TTLL10: variants seen among roughly 807,000 people sequenced by gnomAD.
TTLL10 encodes tubulin tyrosine ligase like 10.
A neutral mutation model predicts 69.0 loss-of-function variants in TTLL10; 61 were observed. The ratio of observed to expected loss-of-function variants is 0.88; its 90% CI spans 0.72 to 1.09. The LOEUF is 1.09. TTLL10 is among the 50% of genes least tolerant of loss of function. TTLL10 has a pLI of 0.00. For synonymous variants in TTLL10, 408 were observed against 393.3 expected, an observed-to-expected ratio of 1.04 and a Z score of -0.44; for missense variants, 962 against 945.9, an observed-to-expected ratio of 1.02 and a Z score of -0.22.
chr1:1,179,903 G>A, intron 5 of TTLL10, 131 bp from the exon 6 acceptor site: 1 of 1,437,530 alleles, frequency 7.0e-7, no homozygotes, highest in Non-Finnish European at 9.1e-7. Context: ...GGCTGAACTT[G>A]AGCCCCAGAC....
At position 1,181,303 on chromosome 1, in the gene TTLL10, G is replaced by A. The variant is rs564162103; in HGVS notation, c.756-438G>A. 1.7e-4 allele frequency among the ~76,000 whole-genome samples: 26 copies of A among 151,462 alleles called. No individual in the cohort carries two copies. In the East Asian group the frequency reaches 4.1e-3, roughly 24 times the overall value. On this transcript the variant is annotated intron_variant, in intron 8 of 15. Transcript: ENST00000379289. The surrounding 1 kb of genome is among the most constrained non-coding windows in gnomAD (Gnocchi z 4.6). ...TCCAATCCATCCACAATCCCACACCGTGCCCACCGTCACCTGTGGGTGCCC... is the reference window on the plus strand; with the variant it reads ...TCCAATCCATCCACAATCCCACACCATGCCCACCGTCACCTGTGGGTGCCC...
chr1:1,179,570 A>T, intron 4 of TTLL10, 87 bp from the exon 5 acceptor site: 22 of 1,532,942 alleles, frequency 1.4e-5, no homozygotes, highest in Non-Finnish European at 1.9e-5. Flanking sequence ...CCACCCCTGG[A>T]AGGGCAGCCC....
chr1:1,183,968 C>A lies in TTLL10; in HGVS notation c.1137C>A (p.Arg379=). 1 of 1,614,228 alleles carries A rather than the reference C, an allele frequency of 6.2e-7. No individual in the cohort carries two copies. The highest frequency in any genetic ancestry group is 8.5e-7 in the Non-Finnish European group (1 of 1,180,034). ...LLVDGRKFDV[R]SYLLIACTTP... ...TGGACGGGAGAAAGTTTGACGTGCGCTCCTACCTGCTCATTGCCTGCACCA... is the reference window on the plus strand; with the variant it reads ...TGGACGGGAGAAAGTTTGACGTGCGATCCTACCTGCTCATTGCCTGCACCA... Residue 379 remains arginine (R), a synonymous_variant, in exon 12 of 16, where the codon CGC becomes CGA. Transcript: ENST00000379289.
chr1:1,177,595 G>A (rs1312887147), intron 3 of TTLL10, among the ~76,000 whole-genome samples: 2 of 152,216 alleles, frequency 1.3e-5, no homozygotes, highest in East Asian at 3.9e-4. Flanking sequence ...ACAGGCGTGA[G>A]CCTCCGCGCC....
Position 1,182,897 on chromosome 1 carries a change from A to G in TTLL10, c.938A>G (p.Lys313Arg), listed in dbSNP as rs750519272. The part of the protein sequence containing the change: ...LFDETQIWIC[K>R]PTASNQGKGI... ...GCAGAAACCCAGATATGGATCTGCA[A>G]GCCCACAGCCTCCAACCAGGGCAAA... is the stretch of plus-strand genomic sequence containing the variant. Residue 313 changes from lysine to arginine, a missense_variant, in exon 11 of 16, where the codon AAG becomes AGG. By Grantham distance (26) the Lys-to-Arg change is conservative. Transcript: ENST00000379289. The G allele has an allele frequency of 6.3e-7, 1 of 1,590,666 alleles. No individual in the cohort carries two copies. The highest frequency in any genetic ancestry group is 1.1e-5 in the South Asian group (1 of 87,774).
intron 3 of TTLL10, among the ~76,000 whole-genome samples, chr1:1,178,409 AAGTT>A (rs1004746936): frequency 1.1e-4 from 16 of 151,934 alleles, no homozygotes; most frequent in Admixed American, 1.0e-3. Context: ...AAAATACAAA[AAGTT>A]AGCTGGGCAT....
At chr1:1,184,349 C>A (rs1435974268) in intron 12 of TTLL10, among the ~76,000 whole-genome samples, 1 of 152,226 alleles carries the variant, frequency 6.6e-6, no homozygotes, top group Non-Finnish European at 1.5e-5. Flanking sequence ...AGCCCTGTAG[C>A]CCTCAGCGTG....
intron 13 of TTLL10, among the ~76,000 whole-genome samples, chr1:1,191,513 A>T (rs1334301348): frequency 6.6e-6 from 1 of 152,240 alleles, no homozygotes; most frequent in Non-Finnish European, 1.5e-5. Flanking sequence ...GTCCCAGCAT[A>T]TGGTCTATCC....
rs1323089081 is a variant in TTLL10, at chr1:1,197,741, C to T, written c.1916C>T (p.Ala639Val). ...LDSAHDGEPQ[A>V]PGTEQSGTGN... Reference sequence around the variant, plus strand: ...AGCGCCCACGATGGGGAGCCCCAGGCCCCGGGCACGGAGCAGTCGGGCACA... The same window carrying T: ...AGCGCCCACGATGGGGAGCCCCAGGTCCCGGGCACGGAGCAGTCGGGCACA... The change falls in exon 16 of 16, where the codon GCC (alanine) becomes GTC (valine). Residue 639 changes from alanine to valine, a missense_variant. Coordinates refer to ENST00000379289, the MANE Select transcript of TTLL10 (RefSeq NM_001130045.2). 3.9e-6 allele frequency: 6 copies of T among 1,534,428 alleles called. No individual in the cohort carries two copies. In the East Asian group the frequency reaches 1.0e-4, roughly 26 times the overall value.
intron 15 of TTLL10, 109 bp downstream of exon 15, chr1:1,197,295 C>G (rs561503674): frequency 7.5e-7 from 1 of 1,336,628 alleles, no homozygotes. Flanking sequence ...TTCCACCTCC[C>G]GAGGGCCTGT....
rs1324425361 is a variant in TTLL10, at chr1:1,197,093, G to A, written c.1519G>A (p.Val507Ile). 9.0e-6 allele frequency: 14 copies of A among 1,551,068 alleles called. No individual in the cohort carries two copies. In the Admixed American group the frequency reaches 2.7e-4, roughly 30 times the overall value. Reference protein sequence around the residue: ...CDFLIDDNFKVWLLEMNSNPA... With the variant: ...CDFLIDDNFKIWLLEMNSNPA... ...AGGGACTGACTGGCGTCTGGGGCAGGTATGGCTGCTGGAGATGAATTCTAA... is the reference window on the plus strand; with the variant it reads ...AGGGACTGACTGGCGTCTGGGGCAGATATGGCTGCTGGAGATGAATTCTAA... Residue 507 changes from valine (V) to isoleucine (I), a missense_variant and splice_region_variant, in exon 15 of 16, where the codon GTA becomes ATA. Physicochemically the swap from Val to Ile is conservative, Grantham distance 29. Coordinates refer to ENST00000379289, the MANE Select transcript of TTLL10 (RefSeq NM_001130045.2).
chr1:1,179,531 C>A, intron 4 of TTLL10, 126 bp from the exon 5 acceptor site: 2 of 1,467,766 alleles, frequency 1.4e-6, no homozygotes, highest in Non-Finnish European at 9.2e-7. Flanking sequence ...CTGTCGCGCT[C>A]CGCGGCCCAG....
At chr1:1,177,645 C>T (rs1646918215) in intron 3 of TTLL10, among the ~76,000 whole-genome samples, 1 of 152,200 alleles carries the variant, frequency 6.6e-6, no homozygotes, top group Non-Finnish European at 1.5e-5. Context: ...CTTGGGAGTC[C>T]CTCTGATGAT....
At chr1:1,182,792 G>C (rs1647112779) in intron 10 of TTLL10, 84 bp from the exon 11 acceptor site, 1 of 1,465,190 alleles carries the variant, frequency 6.8e-7, no homozygotes, top group Admixed American at 2.4e-5. Flanking sequence ...GTCGCAGCCT[G>C]GAGGGGAGGG....
In TTLL10 at chr1:1,180,561, T is replaced by A; in HGVS notation, c.585T>A (p.Cys195Ter). The A allele has an allele frequency of 6.4e-7, 1 of 1,551,228 alleles. No homozygotes were observed. The highest frequency in any genetic ancestry group is 8.7e-7 in the Non-Finnish European group (1 of 1,147,336). ...GGGACGACTACACGCTGAAGTGGTGTGAGGTCAAGAGCCGAGACAGCTACG... is the reference window on the plus strand; with the variant it reads ...GGGACGACTACACGCTGAAGTGGTGAGAGGTCAAGAGCCGAGACAGCTACG... ...SRRDDYTLKW[C>*]EVKSRDSYGS... Residue 195 changes from cysteine (C) to a stop codon, truncating the protein, a stop_gained, in exon 7 of 16, where the codon TGT becomes TGA. Coordinates refer to ENST00000379289, the MANE Select transcript of TTLL10 (RefSeq NM_001130045.2). LOFTEE classifies it high-confidence loss of function.
At chr1:1,183,069 G>A in intron 11 of TTLL10, 22 bp downstream of exon 11, 4 of 1,573,710 alleles carry the variant, frequency 2.5e-6, no homozygotes, top group Non-Finnish European at 3.4e-6. Context: ...GGTGCCCGGA[G>A]GGGTGAGGGT....
chr1:1,185,349 T>C lies in TTLL10; in HGVS notation c.1401+240T>C, dbSNP rs1570426790. 7.3e-7 allele frequency: 1 copy of C among 1,360,766 alleles called. No homozygotes were observed. The highest frequency in any genetic ancestry group is 3.4e-5 in the Admixed American group (1 of 29,522). The allele number at this position is 1,360,766 out of a possible 1,614,324, so 84.3% of individuals were successfully genotyped here. A position where few individuals can be genotyped will look rare whatever the true frequency, so the allele number is the denominator to read the frequency against. On this transcript the variant is annotated intron_variant, in intron 13 of 15. Transcript: ENST00000379289. This position sits in a 1 kb window ranked among gnomAD's most constrained non-coding sequence, Gnocchi z 6.1. ...CCAGTCGGGGGTCTGTCGGCACGAG[T>C]CCCGCGGGCAGCCTCGCCGTAGGGT...
rs1320180202 is a variant in TTLL10, at chr1:1,191,491, AAACTTGTTTATGT to A, written c.1402-5108_1402-5096del. Among the ~76,000 whole-genome samples the A allele has an allele frequency of 2.6e-5, 4 of 152,328 alleles. No individual in the cohort carries two copies. In the South Asian group the frequency reaches 6.2e-4, roughly 24 times the overall value. ...AAAAAACAAAAACAAAAAACACTTG[AAACTTGTTTATGT>A]CCCAGCATATGGTCTATCCTGGAGA... On this transcript the variant is annotated intron_variant, in intron 13 of 15. Coordinates refer to ENST00000379289, the MANE Select transcript of TTLL10 (RefSeq NM_001130045.2).
chr1:1,195,299 T>A (rs1296733614), intron 13 of TTLL10, among the ~76,000 whole-genome samples: 1 of 152,044 alleles, frequency 6.6e-6, no homozygotes, highest in Non-Finnish European at 1.5e-5. Flanking sequence ...GCCTCCTTTT[T>A]CTTTCTGTTC....
Sources: gnomAD v4.1 joint callset for allele counts (sites outside exome capture counted in the v4.1 genomes callset) on GRCh38, gnomAD v4.1.1 for gene constraint, Gnocchi (gnomAD v3.1) non-coding constraint, MANE v1.5 for transcripts, NCBI Gene and HGNC (gene_info 2026-07-23, HGNC 2026-07-21) for gene names.